The following GRM7 variants were observed in gnomAD, a reference collection of about 807,000 sequenced individuals.
The protein encoded by GRM7 is glutamate metabotropic receptor 7.
In GRM7, 35 loss-of-function variants were observed where a neutral mutation model predicts 84.5. The ratio of observed to expected loss-of-function variants is 0.41; its 90% confidence interval spans 0.32 to 0.55. The LOEUF is 0.55. Among genes scored for constraint, GRM7 ranks in the 20% least tolerant of loss-of-function variants. The pLI is 0.19. For synonymous variants in GRM7, 487 were observed against 455.1 expected (o/e 1.07, Z -0.89); for missense variants, 1,003 against 1,194.6 (o/e 0.84, Z 2.36).
At chr3:7,620,875 AC>A (rs1697326218) in intron 8 of GRM7, among the ~76,000 whole-genome samples, 3 of 151,772 alleles carry the variant, frequency 2.0e-5, no homozygotes, top group Admixed American at 2.0e-4. Flanking sequence ...GATGGAGCAG[AC>A]CCTGGTGATG....
At chr3:7,338,057 A>G (rs969900019) in intron 4 of GRM7, among the ~76,000 whole-genome samples, 2 of 151,722 alleles carry the variant, frequency 1.3e-5, no homozygotes, top group Non-Finnish European at 2.9e-5. Context: ...ATAAATATAT[A>G]TATCCCCCCT....
chr3:7,562,014 T>G (rs890789541), intron 7 of GRM7, among the ~76,000 whole-genome samples: 15 of 152,044 alleles, frequency 9.9e-5, no homozygotes, highest in Non-Finnish European at 2.1e-4. Flanking sequence ...CGCAACTGAG[T>G]TTGAAACTCC....
intron 5 of GRM7, among the ~76,000 whole-genome samples, chr3:7,430,029 T>C (rs947295207): frequency 6.6e-6 from 1 of 152,176 alleles, no homozygotes; most frequent in Non-Finnish European, 1.5e-5. Context: ...GGTGCATGCC[T>C]GTAGTTCCAG....
chr3:7,331,848 A>G (rs567647326), intron 4 of GRM7, among the ~76,000 whole-genome samples: 5 of 152,284 alleles, frequency 3.3e-5, no homozygotes, highest in South Asian at 2.1e-4. Flanking sequence ...GAATCAAGGG[A>G]TTCAATGTCA....
At chr3:7,614,810 C>T (rs1342963157) in intron 8 of GRM7, among the ~76,000 whole-genome samples, 1 of 151,960 alleles carries the variant, frequency 6.6e-6, no homozygotes, top group African/African-American at 2.4e-5. Flanking sequence ...TTTAGTCAAC[C>T]CCCTTCCTTA....
intron 1 of GRM7, among the ~76,000 whole-genome samples, chr3:7,106,288 A>C (rs1049949018): frequency 8.6e-5 from 13 of 151,608 alleles, no homozygotes; most frequent in African/African-American, 3.1e-4. Flanking sequence ...TTTTTTTATT[A>C]TACTTTAAGT....
At chr3:7,293,161 G>C (rs1183282610) in intron 2 of GRM7, among the ~76,000 whole-genome samples, 1 of 152,076 alleles carries the variant, frequency 6.6e-6, no homozygotes, top group Non-Finnish European at 1.5e-5. Context: ...TCTCGGGATT[G>C]AGTTTCAGGC....
intron 2 of GRM7, among the ~76,000 whole-genome samples, chr3:7,218,813 A>ATT (rs1696700236): frequency 6.6e-6 from 1 of 151,704 alleles, no homozygotes; most frequent in Non-Finnish European, 1.5e-5. Flanking sequence ...GTGCATTACA[A>ATT]ATATATATAT....
chr3:7,418,056 T>C (rs894763456), intron 5 of GRM7, among the ~76,000 whole-genome samples: 2 of 152,204 alleles, frequency 1.3e-5, no homozygotes, highest in African/African-American at 2.4e-5. Flanking sequence ...TACTTGGGGC[T>C]AGATGTGCAT....
At chr3:7,526,649 T>C (rs1407637686) in intron 7 of GRM7, among the ~76,000 whole-genome samples, 2 of 152,090 alleles carry the variant, frequency 1.3e-5, no homozygotes, top group Non-Finnish European at 2.9e-5. Flanking sequence ...AGGATTTTTA[T>C]AGTTGGAGGT....
At chr3:7,530,584 T>C (rs1468979524) in intron 7 of GRM7, among the ~76,000 whole-genome samples, 1 of 152,200 alleles carries the variant, frequency 6.6e-6, no homozygotes, top group Admixed American at 6.5e-5. Flanking sequence ...TTCCTATTTC[T>C]CCACATTCTC....
chr3:6,944,869 T>A (rs1162648219), intron 1 of GRM7, among the ~76,000 whole-genome samples: 1 of 152,146 alleles, frequency 6.6e-6, no homozygotes, highest in African/African-American at 2.4e-5. Flanking sequence ...GTTCTCTATT[T>A]ATTAAGTGAG....
chr3:7,294,447 G>A (rs1301468672), intron 2 of GRM7, among the ~76,000 whole-genome samples: 1 of 151,938 alleles, frequency 6.6e-6, no homozygotes, highest in African/African-American at 2.4e-5. Flanking sequence ...GACTGTCATC[G>A]CCATTGCCCA....
intron 7 of GRM7, among the ~76,000 whole-genome samples, chr3:7,560,926 G>A (rs1693995352): frequency 3.9e-5 from 6 of 152,076 alleles, no homozygotes; most frequent in South Asian, 2.1e-4. Flanking sequence ...TATCCAATTC[G>A]TTCAACAATT....
intron 2 of GRM7, among the ~76,000 whole-genome samples, chr3:7,279,259 G>A (rs1163846088): frequency 6.6e-6 from 1 of 152,114 alleles, no homozygotes; most frequent in Non-Finnish European, 1.5e-5. Flanking sequence ...GTGAACATGC[G>A]TGAATGCATT....
At chr3:7,171,652 G>T (rs900273123) in intron 2 of GRM7, among the ~76,000 whole-genome samples, 11 of 152,156 alleles carry the variant, frequency 7.2e-5, no homozygotes, top group South Asian at 2.1e-4. Flanking sequence ...AGAGGTGCCA[G>T]TGTATGTGTA....
intron 9 of GRM7, among the ~76,000 whole-genome samples, chr3:7,700,903 G>A (rs1399051371): frequency 6.6e-6 from 1 of 152,142 alleles, no homozygotes; most frequent in Non-Finnish European, 1.5e-5. Flanking sequence ...CATCTCACAG[G>A]TCATTCTTTC....
At chr3:7,180,927 C>T (rs939472846) in intron 2 of GRM7, among the ~76,000 whole-genome samples, 4 of 152,070 alleles carry the variant, frequency 2.6e-5, no homozygotes, top group African/African-American at 7.2e-5. Flanking sequence ...ATTCACACAC[C>T]GATTTACCTC....
intron 2 of GRM7, among the ~76,000 whole-genome samples, chr3:7,255,961 C>T (rs941091558): frequency 2.0e-5 from 3 of 152,158 alleles, no homozygotes; most frequent in East Asian, 1.9e-4. Context: ...GCTCCATTAA[C>T]ACTTAGATAA....
Sources: gnomAD v4.1 joint callset for allele counts (sites outside exome capture counted in the v4.1 genomes callset) on GRCh38, gnomAD v4.1.1 for gene constraint, MANE v1.5 for transcripts, NCBI Gene and HGNC (gene_info 2026-07-23, HGNC 2026-07-21) for gene names.